Variants in CCDC149 observed in about 807,000 individuals in gnomAD.
CCDC149 encodes coiled-coil domain containing 149.
In CCDC149, 45 loss-of-function variants were observed where a neutral mutation model predicts 59.9. The ratio of observed to expected loss-of-function variants is 0.75; its 90% CI spans 0.59 to 0.96. The LOEUF (loss-of-function observed/expected upper bound fraction) is 0.96, where lower values mean the gene tolerates loss of function less well. CCDC149 is among the 40% of genes least tolerant of loss of function. The pLI, the probability that CCDC149 is intolerant of heterozygous loss-of-function variation, is 0.00. For synonymous variants in CCDC149, 245 were observed against 260.6 expected, an observed-to-expected ratio of 0.94 and a Z score of 0.58; for missense variants, 584 against 664.7, an observed-to-expected ratio of 0.88 and a Z score of 1.33.
At chr4:24,833,169 C>T (rs1474048073) in intron 8 of CCDC149, among the ~76,000 whole-genome samples, 1 of 150,264 alleles carries the variant, frequency 6.7e-6, no homozygotes, top group South Asian at 2.1e-4. Context: ...ATATTCCTAC[C>T]AGACATTAAA....
At chr4:24,953,433 T>C (rs559031832) in intron 1 of CCDC149, among the ~76,000 whole-genome samples, 1 of 152,276 alleles carries the variant, frequency 6.6e-6, no homozygotes, top group Admixed American at 6.5e-5. Flanking sequence ...GACTAAGGCA[T>C]TCAAAAACAA....
intron 3 of CCDC149, among the ~76,000 whole-genome samples, chr4:24,870,921 T>C (rs2109231862): frequency 6.6e-6 from 1 of 151,754 alleles, no homozygotes; most frequent in Admixed American, 6.6e-5. Flanking sequence ...GGCGGGTGCC[T>C]GTAGTCCCAG....
At chr4:24,822,368 C>G in intron 10 of CCDC149, 129 bp downstream of exon 10, 1 of 513,020 alleles carries the variant, frequency 1.9e-6, no homozygotes, top group East Asian at 3.5e-5. Flanking sequence ...CAGCAATGAT[C>G]TACTTTAAAT....
chr4:24,904,988 G>A (rs570570801), intron 1 of CCDC149, among the ~76,000 whole-genome samples: 20 of 152,008 alleles, frequency 1.3e-4, no homozygotes, highest in Non-Finnish European at 2.1e-4. Context: ...TGCAACCTCC[G>A]CCTCCCAGGT....
chr4:24,840,272 C>T (rs1716855383), intron 4 of CCDC149, among the ~76,000 whole-genome samples: 2 of 152,148 alleles, frequency 1.3e-5, no homozygotes, highest in South Asian at 2.1e-4. Flanking sequence ...GTGTCCCAGG[C>T]AGGTGGAACA....
downstream of CCDC149, among the ~76,000 whole-genome samples, chr4:24,803,979 G>C (rs1165703996): frequency 2.0e-5 from 3 of 152,060 alleles, no homozygotes; most frequent in Non-Finnish European, 4.4e-5. The surrounding 1 kb of genome is among the most constrained non-coding windows in gnomAD (Gnocchi z 4.3). Flanking sequence ...TCACTACGGA[G>C]CTCCCAATTG....
intron 1 of CCDC149, among the ~76,000 whole-genome samples, chr4:24,905,859 G>A (rs991212495): frequency 1.3e-5 from 2 of 152,174 alleles, no homozygotes; most frequent in African/African-American, 4.8e-5. Flanking sequence ...AATGGGAGGT[G>A]AGCAGATGTG....
At chr4:24,897,741 G>C (rs909808464) in intron 1 of CCDC149, among the ~76,000 whole-genome samples, 1 of 152,206 alleles carries the variant, frequency 6.6e-6, no homozygotes, top group Non-Finnish European at 1.5e-5. Context: ...TTGGGCACGA[G>C]TTTGGATTTG....
chr4:24,822,707 A>G, intron 9 of CCDC149, 134 bp from the exon 10 acceptor site: 1 of 547,510 alleles, frequency 1.8e-6, no homozygotes, highest in Non-Finnish European at 3.2e-6. Context: ...ATTTGTATGT[A>G]TGTGTGTGTA....
At chr4:24,922,895 AT>A (rs751065502) in intron 1 of CCDC149, among the ~76,000 whole-genome samples, 6 of 151,904 alleles carry the variant, frequency 3.9e-5, no homozygotes, top group Non-Finnish European at 7.4e-5. Flanking sequence ...AATGTCTACA[AT>A]TTATTTTTCC....
intron 1 of CCDC149, among the ~76,000 whole-genome samples, chr4:24,941,362 C>T (rs947828980): frequency 6.6e-6 from 1 of 152,102 alleles, no homozygotes; most frequent in Non-Finnish European, 1.5e-5. Context: ...AACAAAGACA[C>T]AACATACCAG....
At chr4:24,878,774 G>A (rs972465787) in intron 1 of CCDC149, among the ~76,000 whole-genome samples, 1 of 152,196 alleles carries the variant, frequency 6.6e-6, no homozygotes, top group Non-Finnish European at 1.5e-5. Flanking sequence ...GGTAAGCTCC[G>A]CGGGAACATC....
chr4:24,959,321 C>T (rs1257219834), intron 1 of CCDC149, among the ~76,000 whole-genome samples: 1 of 152,102 alleles, frequency 6.6e-6, no homozygotes, highest in African/African-American at 2.4e-5. Flanking sequence ...TGTGGGACAA[C>T]TGTGTTTATC....
At chr4:24,853,469 CAA>C (rs537277607) in intron 3 of CCDC149, among the ~76,000 whole-genome samples, 1 of 148,078 alleles carries the variant, frequency 6.8e-6, no homozygotes, top group African/African-American at 2.5e-5. Flanking sequence ...TTGCCTTAAA[CAA>C]AAAAAAATTG....
At chr4:24,873,817 C>T (rs1213512569) in intron 2 of CCDC149, 98 bp from the exon 3 acceptor site, 1 of 727,610 alleles carries the variant, frequency 1.4e-6, no homozygotes, top group Non-Finnish European at 2.3e-6. Context: ...TGTAGACTCT[C>T]CCCACCCTCC....
At chr4:24,866,730 T>C (rs1272773759) in intron 3 of CCDC149, among the ~76,000 whole-genome samples, 2 of 151,578 alleles carry the variant, frequency 1.3e-5, no homozygotes, top group Non-Finnish European at 2.9e-5. Flanking sequence ...AACAACTACA[T>C]TTCTAGAACT....
intron 1 of CCDC149, among the ~76,000 whole-genome samples, chr4:24,974,933 G>A (rs940386947): frequency 6.6e-6 from 1 of 152,160 alleles, no homozygotes; most frequent in African/African-American, 2.4e-5. Context: ...GTTTGAATGT[G>A]TCCCCTCCAA....
At chr4:24,851,331 T>C (rs1000392183) in intron 4 of CCDC149, among the ~76,000 whole-genome samples, 3 of 152,236 alleles carry the variant, frequency 2.0e-5, no homozygotes, top group African/African-American at 7.2e-5. Flanking sequence ...GGCATGATCA[T>C]GGTTCTCTGT....
chr4:24,945,122 A>G (rs746795423), intron 1 of CCDC149, among the ~76,000 whole-genome samples: 4 of 152,176 alleles, frequency 2.6e-5, no homozygotes, highest in Non-Finnish European at 5.9e-5. Context: ...CTCCACTCCC[A>G]GGCTTGTTGA....
Sources: allele counts gnomAD v4.1 joint callset (sites outside exome capture counted in the v4.1 genomes callset), GRCh38; gene constraint gnomAD v4.1.1; non-coding constraint Gnocchi (gnomAD v3.1); transcripts MANE v1.5; gene names NCBI Gene and HGNC (gene_info 2026-07-23, HGNC 2026-07-21).